The following COL23A1 variants were observed in gnomAD, a reference collection of about 807,000 sequenced individuals.
COL23A1 encodes the protein collagen type XXIII alpha 1 chain.
In COL23A1, 97 loss-of-function variants were observed where a neutral mutation model predicts 99.3. That is an observed-to-expected ratio of 0.98 (90% CI 0.83 to 1.16). The LOEUF is 1.16. Among genes scored for constraint, COL23A1 ranks in the 50% most tolerant of loss-of-function variants. COL23A1 has a pLI of 0.00. For synonymous variants in COL23A1, 320 were observed against 308.2 expected (o/e 1.04, Z -0.40); for missense variants, 762 against 757.4 (o/e 1.01, Z -0.07).
chr5:178,565,998 C>T (rs1227464531), intron 1 of COL23A1, among the ~76,000 whole-genome samples: 1 of 151,028 alleles, frequency 6.6e-6, no homozygotes, highest in Non-Finnish European at 1.5e-5. Flanking sequence ...CGTAGTGGCA[C>T]ACATCTGTAG....
At chr5:178,382,863 G>A (rs1365914359) in intron 2 of COL23A1, among the ~76,000 whole-genome samples, 2 of 152,202 alleles carry the variant, frequency 1.3e-5, no homozygotes, top group East Asian at 1.9e-4. Flanking sequence ...GCCGTGACTC[G>A]GGGAGGCCTG....
intron 2 of COL23A1, among the ~76,000 whole-genome samples, chr5:178,496,515 T>C (rs539012808): frequency 3.9e-5 from 6 of 152,376 alleles, no homozygotes; most frequent in Non-Finnish European, 8.8e-5. Context: ...TCTTTTTTGA[T>C]ATTTTAAGAA....
At chr5:178,240,671 C>T (rs1764347557) in intron 27 of COL23A1, among the ~76,000 whole-genome samples, 1 of 152,236 alleles carries the variant, frequency 6.6e-6, no homozygotes, top group Non-Finnish European at 1.5e-5. Context: ...CTCTTCAAGT[C>T]CTTTTCTCAT....
At chr5:178,419,806 C>A (rs180735226) in intron 2 of COL23A1, among the ~76,000 whole-genome samples, 1 of 152,210 alleles carries the variant, frequency 6.6e-6, no homozygotes, top group African/African-American at 2.4e-5. Flanking sequence ...CCAATCCCAG[C>A]GGCCATCCTT....
At position 178,579,588 on chromosome 5, in the gene COL23A1, G is replaced by A. The variant is rs565804256; in HGVS notation, c.294+10316C>T. On this transcript the variant is annotated intron_variant, in intron 1 of 28. Transcript: ENST00000390654. ...CCTGCCTCAGCTTCCCGAGTAGCTC[G>A]GATTACAGACACCCACTACCGCGCA... Among the ~76,000 whole-genome samples, 39 of 152,070 alleles carry A rather than the reference G, an allele frequency of 2.6e-4. 1 individual carries two copies. Among genetic ancestry groups the A allele is most frequent in the Admixed American group, 2.4e-3 (37 of 15,258 alleles).
chr5:178,534,727 C>T (rs555153285), intron 2 of COL23A1, among the ~76,000 whole-genome samples: 5 of 151,810 alleles, frequency 3.3e-5, no homozygotes, highest in South Asian at 2.1e-4. Flanking sequence ...TGCAGTGAGC[C>T]AAGATCGTGC....
chr5:178,492,753 C>T (rs2127972684), intron 2 of COL23A1, among the ~76,000 whole-genome samples: 1 of 152,060 alleles, frequency 6.6e-6, no homozygotes, highest in East Asian at 1.9e-4. Flanking sequence ...CCCCACCTCA[C>T]AACAGAGGCT....
chr5:178,514,162 T>C (rs952023317), intron 2 of COL23A1, among the ~76,000 whole-genome samples: 1 of 152,254 alleles, frequency 6.6e-6, no homozygotes, highest in Non-Finnish European at 1.5e-5. Flanking sequence ...TCAGGCTGTA[T>C]TTGTCCTTCT....
chr5:178,430,303 G>C (rs1042498116), intron 2 of COL23A1, among the ~76,000 whole-genome samples: 1 of 152,146 alleles, frequency 6.6e-6, no homozygotes, highest in Non-Finnish European at 1.5e-5. Flanking sequence ...CCAGGTTCCT[G>C]GGTCTCTGCC....
intron 1 of COL23A1, among the ~76,000 whole-genome samples, chr5:178,577,026 C>A (rs1247661233): frequency 6.6e-6 from 1 of 152,090 alleles, no homozygotes; most frequent in Non-Finnish European, 1.5e-5. Flanking sequence ...GTGTCCCTAG[C>A]GCGGTACTGC....
intron 2 of COL23A1, among the ~76,000 whole-genome samples, chr5:178,551,085 T>A (rs1400261356): frequency 2.0e-5 from 3 of 150,052 alleles, no homozygotes; most frequent in Admixed American, 6.6e-5. Context: ...ACTTTGTGTG[T>A]CACTGCTCTT....
chr5:178,463,423 G>A (rs1025893101), intron 2 of COL23A1, among the ~76,000 whole-genome samples: 3 of 152,134 alleles, frequency 2.0e-5, no homozygotes, highest in Non-Finnish European at 2.9e-5. Flanking sequence ...AACTGTTACC[G>A]GGTCTGGAAA....
chr5:178,366,831 C>T lies in COL23A1; in HGVS notation c.362-59912G>A, dbSNP rs1299114856. Among the ~76,000 whole-genome samples, 1 of 152,196 alleles carries T rather than the reference C, an allele frequency of 6.6e-6. No individual in the cohort carries two copies. The highest frequency in any genetic ancestry group is 1.5e-5 in the Non-Finnish European group (1 of 68,038). On this transcript the variant is annotated intron_variant, in intron 2 of 28. Coordinates refer to ENST00000390654, the MANE Select transcript of COL23A1 (RefSeq NM_173465.4). This position sits in a 1 kb window ranked among gnomAD's most constrained non-coding sequence, Gnocchi z 4.4. ...TCTTCCATAAAAGCTTTTCTGACTC[C>T]TTCACCCAGGAAGCAGGGTCCTGCC...
chr5:178,491,627 C>A lies in COL23A1; in HGVS notation c.361+69055G>T, dbSNP rs112683357. 2.7e-3 allele frequency among the ~76,000 whole-genome samples: 415 copies of A among 152,084 alleles called. 4 individuals are homozygous for A. Among genetic ancestry groups the A allele is most frequent in the African/African-American group, 9.5e-3 (394 of 41,488 alleles). ...CTGGGACAGGAGCACAAGCAGAGAG[C>A]GGACCACAGAGCCTGGGGCAAGGGA... On this transcript the variant is annotated intron_variant, in intron 2 of 28. Coordinates refer to ENST00000390654, the MANE Select transcript of COL23A1 (RefSeq NM_173465.4).
chr5:178,414,884 T>C (rs897391351), intron 2 of COL23A1, among the ~76,000 whole-genome samples: 10 of 151,808 alleles, frequency 6.6e-5, no homozygotes, highest in African/African-American at 2.4e-4. Context: ...AGCAAGACCA[T>C]CGAGCCCACC....
At chr5:178,301,953 G>C (rs1758066012) in intron 3 of COL23A1, among the ~76,000 whole-genome samples, 1 of 38,348 alleles carries the variant, frequency 2.6e-5, no homozygotes, top group Non-Finnish European at 7.1e-5. Flanking sequence ...CAGCTTCAAT[G>C]CTGCACCTCT....
intron 2 of COL23A1, among the ~76,000 whole-genome samples, chr5:178,514,067 T>G (rs1281541662): frequency 6.6e-6 from 1 of 152,066 alleles, no homozygotes; most frequent in Non-Finnish European, 1.5e-5. Flanking sequence ...ACTCCCCACT[T>G]TCTCCTCCCC....
intron 2 of COL23A1, among the ~76,000 whole-genome samples, chr5:178,358,753 CTGTGTGTG>C (rs1338637265): frequency 7.4e-6 from 1 of 135,054 alleles, no homozygotes; most frequent in Non-Finnish European, 1.6e-5. Context: ...GTGTGTGTAT[CTGTGTGTG>C]TGTATGTGTG....
intron 11 of COL23A1, among the ~76,000 whole-genome samples, chr5:178,260,143 C>T (rs914967749): frequency 2.0e-5 from 3 of 152,194 alleles, no homozygotes; most frequent in African/African-American, 7.2e-5. Flanking sequence ...AATGAAAGAG[C>T]TGGCATCTGC....
Sources: allele counts gnomAD v4.1 joint callset (sites outside exome capture counted in the v4.1 genomes callset), GRCh38; gene constraint gnomAD v4.1.1; non-coding constraint Gnocchi (gnomAD v3.1); transcripts MANE v1.5; gene names NCBI Gene and HGNC (gene_info 2026-07-23, HGNC 2026-07-21).